The following MARCHF1 variants were observed in gnomAD, a reference collection of about 807,000 sequenced individuals.
MARCHF1 encodes E3 ubiquitin-protein ligase MARCHF1.
Under a neutral mutation model 54.2 loss-of-function variants are expected in MARCHF1, and 40 were observed. The observed-to-expected ratio is 0.74, with a 90% CI of 0.57 to 0.96. The LOEUF (loss-of-function observed/expected upper bound fraction) is 0.96, where lower values mean the gene tolerates loss of function less well. Among genes scored for constraint, MARCHF1 ranks in the 40% least tolerant of loss-of-function variants. MARCHF1 has a pLI of 0.00. For synonymous variants in MARCHF1, 236 were observed against 236.3 expected (o/e 1.00, Z 0.01); for missense variants, 586 against 656.5 (o/e 0.89, Z 1.17).
intron 3 of MARCHF1, among the ~76,000 whole-genome samples, chr4:163,986,785 T>C (rs1429550709): frequency 2.0e-5 from 3 of 152,190 alleles, no homozygotes; most frequent in Non-Finnish European, 2.9e-5. Flanking sequence ...ATAAAAAACA[T>C]TTGTTTGCTC....
chr4:164,155,222 G>T (rs573131621), intron 1 of MARCHF1, among the ~76,000 whole-genome samples: 1 of 152,094 alleles, frequency 6.6e-6, no homozygotes, highest in Non-Finnish European at 1.5e-5. Flanking sequence ...CAGGCTTAAG[G>T]GTGGGGCCTT....
intron 8 of MARCHF1, among the ~76,000 whole-genome samples, chr4:163,581,749 C>A (rs1460118527): frequency 6.6e-6 from 1 of 152,220 alleles, no homozygotes; most frequent in Non-Finnish European, 1.5e-5. Flanking sequence ...AAGATGACTA[C>A]TCTTTTTCAT....
At chr4:163,829,627 A>G (rs1748960917) in intron 4 of MARCHF1, among the ~76,000 whole-genome samples, 1 of 152,204 alleles carries the variant, frequency 6.6e-6, no homozygotes, top group South Asian at 2.1e-4. Context: ...GGAAGACAAT[A>G]TTGAAGACTG....
At position 163,617,194 on chromosome 4, in the gene MARCHF1, A is replaced by C. The variant is rs62334279; in HGVS notation, c.163-3801T>G. On this transcript the variant is annotated intron_variant, in intron 5 of 9. Coordinates refer to ENST00000514618, the MANE Select transcript of MARCHF1 (RefSeq NM_001394959.1). ...TCTCACTCATTTGTGGGAATTTAAA[A>C]ATTGGGCTCATGGGAGTAGAAATTA... Among the ~76,000 whole-genome samples, 889 of 152,274 alleles carry C rather than the reference A, an allele frequency of 5.8e-3. 7 individuals carry two copies. The highest frequency in any genetic ancestry group is 0.037 in the South Asian group (181 of 4,830).
chr4:163,670,638 C>T (rs551891035), intron 5 of MARCHF1, among the ~76,000 whole-genome samples: 28 of 151,710 alleles, frequency 1.8e-4, no homozygotes, highest in African/African-American at 6.5e-4. Flanking sequence ...CTTTCTATAG[C>T]CTTACATTCA....
Position 164,117,304 on chromosome 4 carries a change from GCTTGAATA to G in MARCHF1, c.-322-5650_-322-5643del, listed in dbSNP as rs1174468191. 5.3e-5 allele frequency among the ~76,000 whole-genome samples: 8 copies of G among 151,912 alleles called. No individual in the cohort carries two copies. The East Asian group carries it at 1.5e-3, about 29-fold the overall frequency. On this transcript the variant is annotated intron_variant, in intron 1 of 9. Coordinates refer to ENST00000514618, the MANE Select transcript of MARCHF1 (RefSeq NM_001394959.1). ...ATAAATAAACAATAGAATAATTTCT[GCTTGAATA>G]TAAATTTTTGTAATAACAAAAGATA...
intron 1 of MARCHF1, among the ~76,000 whole-genome samples, chr4:164,171,279 G>C (rs1413806249): frequency 1.3e-5 from 2 of 152,008 alleles, no homozygotes; most frequent in East Asian, 3.9e-4. Context: ...GTGATACAAA[G>C]AGCATGTGAT....
intron 4 of MARCHF1, among the ~76,000 whole-genome samples, chr4:163,708,797 C>T (rs1180541902): frequency 1.3e-5 from 2 of 151,718 alleles, no homozygotes; most frequent in African/African-American, 2.4e-5. Context: ...GAGAGGCCAG[C>T]AGGAGGGGAA....
At chr4:163,983,969 T>G (rs1163341718) in intron 3 of MARCHF1, among the ~76,000 whole-genome samples, 1 of 151,906 alleles carries the variant, frequency 6.6e-6, no homozygotes, top group Non-Finnish European at 1.5e-5. Context: ...TAAAAATTTT[T>G]TTTTAGTAAA....
At chr4:164,146,853 CA>C (rs1729761352) in intron 1 of MARCHF1, among the ~76,000 whole-genome samples, 1 of 151,180 alleles carries the variant, frequency 6.6e-6, no homozygotes, top group Admixed American at 6.6e-5. Context: ...AGCTTCTGCA[CA>C]GCAAAAGAAA....
chr4:163,633,275 G>A (rs1346168966), intron 5 of MARCHF1, among the ~76,000 whole-genome samples: 1 of 152,150 alleles, frequency 6.6e-6, no homozygotes, highest in Non-Finnish European at 1.5e-5. Context: ...AGAGAAGAAG[G>A]CTTCAGACGA....
intron 1 of MARCHF1, among the ~76,000 whole-genome samples, chr4:164,308,315 A>G (rs1018134347): frequency 1.3e-5 from 2 of 152,196 alleles, no homozygotes; most frequent in African/African-American, 4.8e-5. Context: ...TTGAACTAAA[A>G]ACAAACATTT....
At chr4:164,213,938 T>C (rs1435847556) in intron 1 of MARCHF1, among the ~76,000 whole-genome samples, 2 of 152,078 alleles carry the variant, frequency 1.3e-5, no homozygotes, top group Non-Finnish European at 2.9e-5. Context: ...ACTGGATTGT[T>C]TGTAAACAAA....
intron 4 of MARCHF1, among the ~76,000 whole-genome samples, chr4:163,720,971 C>A (rs1211966826): frequency 6.6e-6 from 1 of 152,190 alleles, no homozygotes. Flanking sequence ...ATGTCATCTG[C>A]AGACAGGGAC....
intron 5 of MARCHF1, among the ~76,000 whole-genome samples, chr4:163,632,675 C>T (rs1242769711): frequency 5.9e-5 from 9 of 152,324 alleles, no homozygotes; most frequent in South Asian, 4.1e-4. Context: ...GGGGGAGGGG[C>T]GCCCACCATT....
chr4:164,109,156 T>C (rs566519548), intron 2 of MARCHF1, among the ~76,000 whole-genome samples: 3 of 152,052 alleles, frequency 2.0e-5, no homozygotes, highest in African/African-American at 4.8e-5. Context: ...TTGATTGAAG[T>C]GATAAAGCTA....
chr4:164,224,654 T>C (rs189043256), intron 1 of MARCHF1, among the ~76,000 whole-genome samples: 10 of 152,152 alleles, frequency 6.6e-5, no homozygotes, highest in Non-Finnish European at 1.3e-4. Flanking sequence ...GACATTACCT[T>C]AATGCTTTAT....
intron 1 of MARCHF1, among the ~76,000 whole-genome samples, chr4:164,255,112 A>T (rs1388097665): frequency 6.6e-6 from 1 of 152,168 alleles, no homozygotes; most frequent in Non-Finnish European, 1.5e-5. Flanking sequence ...TGAAATCTGT[A>T]GCCTATCTAA....
intron 2 of MARCHF1, among the ~76,000 whole-genome samples, chr4:164,056,574 A>G (rs1277386629): frequency 6.6e-6 from 1 of 152,158 alleles, no homozygotes; most frequent in Non-Finnish European, 1.5e-5. Flanking sequence ...CATCCTAAAA[A>G]TGTTAGTATT....
Sources: allele counts gnomAD v4.1 joint callset (sites outside exome capture counted in the v4.1 genomes callset), GRCh38; gene constraint gnomAD v4.1.1; transcripts MANE v1.5; gene names NCBI Gene and HGNC (gene_info 2026-07-23, HGNC 2026-07-21).